PARL: variants seen among roughly 807,000 people sequenced by gnomAD.
The protein encoded by PARL is presenilin-associated rhomboid-like protein, mitochondrial.
Under a neutral mutation model 51.6 loss-of-function variants are expected in PARL, and 44 were observed. The ratio of observed to expected loss-of-function variants is 0.85; its 90% CI spans 0.67 to 1.10. PARL has a LOEUF of 1.10. Among genes scored for constraint, PARL ranks in the 50% least tolerant of loss-of-function variants. The probability of loss-of-function intolerance (pLI) is 0.00; values close to 1 mark genes in which losing one functional copy is unlikely to be tolerated. For missense variants in PARL, 441 were observed against 469.5 expected (o/e 0.94, Z 0.56); for synonymous variants, 172 against 164.0 (o/e 1.05, Z -0.37).
intron 1 of PARL, among the ~76,000 whole-genome samples, chr3:183,878,005 G>A (rs553558458): frequency 1.3e-5 from 2 of 152,054 alleles, no homozygotes; most frequent in African/African-American, 2.4e-5. Flanking sequence ...TGGTCAGGCC[G>A]GTCTCGAACT....
downstream of PARL, among the ~76,000 whole-genome samples, chr3:183,826,978 T>G (rs1206772330): frequency 6.6e-6 from 1 of 151,760 alleles, no homozygotes; most frequent in East Asian, 1.9e-4. Flanking sequence ...CGGAAGGAAG[T>G]GTAATTGAAC....
At chr3:183,878,083 G>A (rs1167686767) in intron 1 of PARL, among the ~76,000 whole-genome samples, 4 of 152,204 alleles carry the variant, frequency 2.6e-5, no homozygotes, top group South Asian at 2.1e-4. Context: ...GAGCCACCGC[G>A]CCCAGCCCCA....
At chr3:183,862,653 C>CTGGTGG in intron 4 of PARL, 100 bp downstream of exon 4, 1 of 887,208 alleles carries the variant, frequency 1.1e-6, no homozygotes, top group Non-Finnish European at 1.9e-6. Context: ...TTCTAAACCA[C>CTGGTGG]TGGTGAGCAT....
chr3:183,882,411 A>C (rs1403187440), intron 1 of PARL, among the ~76,000 whole-genome samples: 1 of 129,684 alleles, frequency 7.7e-6, no homozygotes, highest in African/African-American at 2.9e-5. Flanking sequence ...ACACACACAT[A>C]TATATAGAGA....
chr3:183,877,981 G>T (rs987445185), intron 1 of PARL, among the ~76,000 whole-genome samples: 1 of 152,018 alleles, frequency 6.6e-6, no homozygotes, highest in Non-Finnish European at 1.5e-5. Context: ...AGTAGAGATG[G>T]GGTTTCATCA....
chr3:183,882,308 CATATATACACACAT>C (rs1489471961), intron 1 of PARL, among the ~76,000 whole-genome samples: 4 of 92,882 alleles, frequency 4.3e-5, no homozygotes, highest in African/African-American at 7.1e-5. Context: ...TATACACACA[CATATATACACACAT>C]ATATACACAT....
intron 1 of PARL, among the ~76,000 whole-genome samples, chr3:183,868,669 A>C (rs1379521395): frequency 6.6e-6 from 1 of 152,188 alleles, no homozygotes; most frequent in Admixed American, 6.5e-5. Flanking sequence ...ATGGCTTCCC[A>C]AGGTGCTAGG....
intron 4 of PARL, among the ~76,000 whole-genome samples, chr3:183,850,893 A>T (rs1730469412): frequency 1.3e-5 from 2 of 152,382 alleles, no homozygotes; most frequent in Middle Eastern, 3.4e-3. Flanking sequence ...TCATAGTTTC[A>T]GAATTTACAA....
intron 4 of PARL, among the ~76,000 whole-genome samples, chr3:183,851,741 A>C: frequency 6.6e-6 from 1 of 152,290 alleles, no homozygotes; most frequent in South Asian, 2.1e-4. Context: ...AAGTAAATAG[A>C]CAGTTCTCCA....
downstream of PARL, among the ~76,000 whole-genome samples, chr3:183,827,092 G>A (rs966340063): frequency 1.3e-5 from 2 of 152,008 alleles, no homozygotes; most frequent in Non-Finnish European, 2.9e-5. Context: ...GTAGGTCACG[G>A]GGGAGGAGGG....
downstream of PARL, among the ~76,000 whole-genome samples, chr3:183,827,717 A>C (rs973148737): frequency 3.9e-5 from 6 of 152,100 alleles, no homozygotes; most frequent in African/African-American, 1.4e-4. Flanking sequence ...TCACTCCTTA[A>C]GCCGAGTGCT....
chr3:183,848,310 C>G (rs1370509377), intron 4 of PARL, among the ~76,000 whole-genome samples: 1 of 152,192 alleles, frequency 6.6e-6, no homozygotes, highest in Non-Finnish European at 1.5e-5. Flanking sequence ...GGCGCAATCT[C>G]CGCTCACTGA....
chr3:183,835,778 T>A (rs1273043420), intron 7 of PARL, among the ~76,000 whole-genome samples: 1 of 151,972 alleles, frequency 6.6e-6, no homozygotes, highest in Non-Finnish European at 1.5e-5. Context: ...GAGGTTGTGG[T>A]GAGCCAAGAT....
At chr3:183,855,529 G>A (rs1005294042) in intron 4 of PARL, among the ~76,000 whole-genome samples, 3 of 152,124 alleles carry the variant, frequency 2.0e-5, no homozygotes, top group Non-Finnish European at 4.4e-5. Context: ...GACCAGGGGT[G>A]GGGGGATGGT....
In PARL at chr3:183,842,425, C is replaced by CA. The variant is rs1729431135; in HGVS notation, c.629dup (p.Leu210PhefsTer55). 1.2e-6 allele frequency: 2 copies of CA among 1,612,752 alleles called. No homozygotes were observed. Among genetic ancestry groups the CA allele is most frequent in the African/African-American group, 1.3e-5 (1 of 74,878 alleles). On this transcript the variant is annotated frameshift_variant, in exon 6 of 10. Coordinates refer to ENST00000317096, the MANE Select transcript of PARL (RefSeq NM_018622.7). LOFTEE classifies it high-confidence loss of function. ...AGGAGAAATGACTGAATGTTGACAG[C>CA]AACATTGGAGAACAAAGGACCTCTA... is the stretch of plus-strand genomic sequence containing the variant.
chr3:183,867,807 G>A (rs1054048802), intron 2 of PARL, 58 bp downstream of exon 2: 4 of 1,278,914 alleles, frequency 3.1e-6, no homozygotes, highest in South Asian at 1.2e-5. Flanking sequence ...ATGGGACAAA[G>A]TACTTTAACA....
intron 7 of PARL, among the ~76,000 whole-genome samples, 162 bp from the exon 8 acceptor site, chr3:183,833,987 G>A (rs145888635): frequency 3.0e-4 from 45 of 152,280 alleles, no homozygotes; most frequent in African/African-American, 1.1e-3. Flanking sequence ...CCCAATAATA[G>A]GTGAAGGAAC....
At chr3:183,862,118 AT>A (rs1731903631) in intron 4 of PARL, among the ~76,000 whole-genome samples, 2 of 152,248 alleles carry the variant, frequency 1.3e-5, no homozygotes. Flanking sequence ...TCCATGAAAT[AT>A]TGCAGAGGTG....
At chr3:183,846,656 C>A in intron 4 of PARL, 1 of 985,082 alleles carries the variant, frequency 1.0e-6, no homozygotes, top group Non-Finnish European at 1.2e-6. Context: ...ACTTCATAAG[C>A]CAGTGGTCAT....
Sources: gnomAD v4.1 joint callset for allele counts (sites outside exome capture counted in the v4.1 genomes callset) on GRCh38, gnomAD v4.1.1 for gene constraint, MANE v1.5 for transcripts, NCBI Gene and HGNC (gene_info 2026-07-23, HGNC 2026-07-21) for gene names.